WDR72: variants seen among roughly 807,000 people sequenced by gnomAD.
WDR72 encodes WD repeat-containing protein 72.
Under a neutral mutation model 124.2 loss-of-function variants are expected in WDR72, and 120 were observed. The ratio of observed to expected loss-of-function variants is 0.97; its 90% CI spans 0.83 to 1.12. The LOEUF (loss-of-function observed/expected upper bound fraction) is 1.12, where lower values mean the gene tolerates loss of function less well. Ranked by LOEUF, WDR72 falls within the 50% of genes most tolerant of loss-of-function variation. WDR72 has a pLI of 0.00. For missense variants in WDR72, 1,387 were observed against 1,278.8 expected (o/e 1.08, Z -1.29); for synonymous variants, 452 against 441.7 (o/e 1.02, Z -0.29).
chr15:53,698,038 T>C (rs559868669), intron 13 of WDR72, among the ~76,000 whole-genome samples: 2 of 152,324 alleles, frequency 1.3e-5, no homozygotes, highest in Non-Finnish European at 2.9e-5. Context: ...TATTTGTTTT[T>C]CTTTATATTT....
intron 18 of WDR72, among the ~76,000 whole-genome samples, chr15:53,568,870 A>C (rs1894396929): frequency 6.6e-6 from 1 of 152,036 alleles, no homozygotes; most frequent in African/African-American, 2.4e-5. Flanking sequence ...CACATCATTG[A>C]TACATACAAA....
At chr15:53,521,284 C>T (rs192797008) in intron 19 of WDR72, among the ~76,000 whole-genome samples, 1 of 152,084 alleles carries the variant, frequency 6.6e-6, no homozygotes, top group Non-Finnish European at 1.5e-5. Flanking sequence ...ATTCCTCACA[C>T]TGGCTTGGCC....
intron 18 of WDR72, among the ~76,000 whole-genome samples, chr15:53,548,463 G>A (rs1893584939): frequency 6.6e-6 from 1 of 152,176 alleles, no homozygotes; most frequent in South Asian, 2.1e-4. Context: ...TGACTTCAAA[G>A]AGAGTGATTT....
intron 13 of WDR72, among the ~76,000 whole-genome samples, chr15:53,671,912 A>C (rs1415919927): frequency 1.3e-5 from 2 of 151,864 alleles, no homozygotes; most frequent in Non-Finnish European, 2.9e-5. Flanking sequence ...GAAATGGAGA[A>C]GGAAGAAAGG....
chr15:53,668,181 G>C (rs1476687068), intron 13 of WDR72, among the ~76,000 whole-genome samples: 1 of 152,182 alleles, frequency 6.6e-6, no homozygotes, highest in Non-Finnish European at 1.5e-5. Flanking sequence ...AAAAATGTTA[G>C]ACACTCGGTT....
At chr15:53,607,596 C>T (rs1297866282) in intron 17 of WDR72, among the ~76,000 whole-genome samples, 3 of 152,052 alleles carry the variant, frequency 2.0e-5, no homozygotes, top group Non-Finnish European at 4.4e-5. Context: ...ATCTCCAGGA[C>T]ATTGGTTTGG....
chr15:53,753,093 C>A (rs2018813439), intron 1 of WDR72, among the ~76,000 whole-genome samples: 1 of 152,198 alleles, frequency 6.6e-6, no homozygotes, highest in South Asian at 2.1e-4. Flanking sequence ...ACGGGTCATC[C>A]CTTACACTTT....
intron 14 of WDR72, among the ~76,000 whole-genome samples, chr15:53,626,933 G>A (rs2014235017): frequency 6.6e-6 from 1 of 152,080 alleles, no homozygotes; most frequent in African/African-American, 2.4e-5. Context: ...TTGTCACTTC[G>A]TACAGTAACA....
At chr15:53,550,744 C>T (rs1338454673) in intron 18 of WDR72, among the ~76,000 whole-genome samples, 15 of 151,972 alleles carry the variant, frequency 9.9e-5, no homozygotes, top group Admixed American at 6.6e-5. Flanking sequence ...ATGAAGCAGC[C>T]GAGAGAATGA....
intron 13 of WDR72, among the ~76,000 whole-genome samples, chr15:53,686,356 A>G (rs1242598786): frequency 6.6e-6 from 1 of 151,910 alleles, no homozygotes; most frequent in Non-Finnish European, 1.5e-5. Flanking sequence ...AAATAAAAGG[A>G]TGGAGGAAAA....
chr15:53,616,187 T>C lies in WDR72; in HGVS notation c.2019A>G (p.Lys673=), dbSNP rs779251149. 3 of 1,606,684 alleles carry C rather than the reference T, an allele frequency of 1.9e-6. No individual in the cohort carries two copies. Among genetic ancestry groups the C allele is most frequent in the African/African-American group, 1.3e-5 (1 of 74,740 alleles). Residue 673 remains lysine, a synonymous_variant, in exon 15 of 20, where the codon AAA becomes AAG. Coordinates refer to ENST00000360509, the MANE Select transcript of WDR72 (RefSeq NM_182758.4). Reference sequence around the variant, plus strand: ...GAATATGAAAGCCAACGTTACTCCATTTTGTCTTCACAGGCAAGACATTAA... The same window carrying C: ...GAATATGAAAGCCAACGTTACTCCACTTTGTCTTCACAGGCAAGACATTAA... ...RPFNVLPVKT[K]WSNVGFHILL... is the part of the protein sequence containing the mutation.
chr15:53,618,580 C>G (rs1163680653), intron 14 of WDR72, among the ~76,000 whole-genome samples: 1 of 151,954 alleles, frequency 6.6e-6, no homozygotes, highest in Non-Finnish European at 1.5e-5. Context: ...CTTATTTTCT[C>G]CCAGTATTCG....
Position 53,641,597 on chromosome 15 carries a change from G to A in WDR72, c.1962+23975C>T, listed in dbSNP as rs186459162. ...TGAGTATGGAAACCTTTAAAATAGTGTGCTTGCTCTCTGGGACTATATCAT... is the reference window on the plus strand; with the variant it reads ...TGAGTATGGAAACCTTTAAAATAGTATGCTTGCTCTCTGGGACTATATCAT... On this transcript the variant is annotated intron_variant, in intron 14 of 19. Transcript: ENST00000360509. 2.6e-3 allele frequency among the ~76,000 whole-genome samples: 399 copies of A among 152,042 alleles called. 3 individuals are homozygous for A. The highest frequency in any genetic ancestry group is 9.2e-3 in the African/African-American group (384 of 41,548).
chr15:53,570,292 G>T, intron 18 of WDR72, among the ~76,000 whole-genome samples: 1 of 148,534 alleles, frequency 6.7e-6, no homozygotes. Context: ...AGAACACTTA[G>T]AATCTAACCT....
intron 14 of WDR72, among the ~76,000 whole-genome samples, chr15:53,621,797 A>ATT (rs544916881): frequency 2.3e-4 from 35 of 152,118 alleles, no homozygotes; most frequent in African/African-American, 8.4e-4. Flanking sequence ...GGAAATAAAC[A>ATT]TTTTTTAAAA....
intron 14 of WDR72, among the ~76,000 whole-genome samples, chr15:53,633,886 A>G (rs2014525128): frequency 6.6e-6 from 1 of 152,222 alleles, no homozygotes; most frequent in African/African-American, 2.4e-5. Context: ...CAAACGCCCA[A>G]TATGAACATA....
At chr15:53,615,189 T>G (rs1426789827) in intron 15 of WDR72, among the ~76,000 whole-genome samples, 1 of 152,032 alleles carries the variant, frequency 6.6e-6, no homozygotes, top group Non-Finnish European at 1.5e-5. Context: ...TATGAGAACA[T>G]TGAATATTTG....
At chr15:53,537,529 A>T (rs967962211) in intron 18 of WDR72, among the ~76,000 whole-genome samples, 7 of 152,164 alleles carry the variant, frequency 4.6e-5, no homozygotes, top group Non-Finnish European at 1.0e-4. Context: ...AACCTTGGTC[A>T]TGTTACTTTA....
intron 1 of WDR72, among the ~76,000 whole-genome samples, chr15:53,734,815 A>T (rs1182863189): frequency 9.0e-6 from 1 of 111,130 alleles, no homozygotes. Context: ...GACTAAAAAA[A>T]AAAAATAATA....
Sources: gnomAD v4.1 joint callset for allele counts (sites outside exome capture counted in the v4.1 genomes callset) on GRCh38, gnomAD v4.1.1 for gene constraint, MANE v1.5 for transcripts, NCBI Gene and HGNC (gene_info 2026-07-23, HGNC 2026-07-21) for gene names.